The following SPAG16 variants were observed in gnomAD, a reference collection of about 807,000 sequenced individuals.
SPAG16 encodes the protein sperm associated antigen 16.
A neutral mutation model predicts 80.4 loss-of-function variants in SPAG16; 86 were observed. The observed-to-expected ratio is 1.07, with a 90% confidence interval of 0.90 to 1.28. SPAG16 has a LOEUF of 1.28. Among genes scored for constraint, SPAG16 ranks in the 50% most tolerant of loss-of-function variants. The probability of loss-of-function intolerance (pLI) is 0.00; values close to 1 mark genes in which losing one functional copy is unlikely to be tolerated. For missense variants in SPAG16, 870 were observed against 765.3 expected, an observed-to-expected ratio of 1.14 and a Z score of -1.61; for synonymous variants, 294 against 265.9, an observed-to-expected ratio of 1.11 and a Z score of -1.03.
rs760771387 is a variant in SPAG16, at chr2:213,284,585, C to T, written c.102C>T (p.Asp34=). 2.5e-6 allele frequency: 4 copies of T among 1,609,742 alleles called. No individual in the cohort carries two copies. Among genetic ancestry groups the T allele is most frequent in the Non-Finnish European group, 3.4e-6 (4 of 1,178,608 alleles). Residue 34 remains aspartate (D), a synonymous_variant, in exon 1 of 16, where the codon GAC becomes GAT. Transcript: ENST00000331683. ...TAAGDARDTA[D]AVAAEGAYYL... ...CCGGGGACGCGAGGGACACGGCGGA[C>T]GCGGTGGCGGCTGAGGGCGCCTACT...
intron 15 of SPAG16, among the ~76,000 whole-genome samples, chr2:214,326,944 CAAAAAAAAAAA>C (rs5838428): frequency 1.6e-5 from 1 of 64,464 alleles, no homozygotes; most frequent in East Asian, 5.0e-4. Flanking sequence ...GACTAAGTCT[CAAAAAAAAAAA>C]AAAAAAAAAA....
At chr2:213,721,573 C>G in intron 10 of SPAG16, among the ~76,000 whole-genome samples, 1 of 152,164 alleles carries the variant, frequency 6.6e-6, no homozygotes, top group East Asian at 1.9e-4. Context: ...TCATATGATA[C>G]CACTTTTCCT....
intron 15 of SPAG16, among the ~76,000 whole-genome samples, chr2:214,259,556 G>A (rs185685266): frequency 3.9e-5 from 5 of 127,642 alleles, no homozygotes; most frequent in African/African-American, 9.2e-5. Context: ...CCCCACACAC[G>A]TTTCGGCAGA....
intron 15 of SPAG16, among the ~76,000 whole-genome samples, chr2:214,253,971 T>C (rs565271357): frequency 9.9e-5 from 15 of 152,276 alleles, no homozygotes; most frequent in African/African-American, 3.4e-4. Flanking sequence ...TATCCTCTTT[T>C]ATTTCTTTGA....
At chr2:213,962,713 GCTAA>G (rs1329787512) in intron 12 of SPAG16, among the ~76,000 whole-genome samples, 1 of 152,172 alleles carries the variant, frequency 6.6e-6, no homozygotes, top group Admixed American at 6.5e-5. Flanking sequence ...GGCAACATTA[GCTAA>G]CTAATTCAAT....
intron 9 of SPAG16, among the ~76,000 whole-genome samples, chr2:213,387,430 T>TC (rs1559077636): frequency 1.9e-4 from 11 of 57,738 alleles, no homozygotes; most frequent in African/African-American, 6.3e-4. Context: ...AAATGCATGC[T>TC]CTTTTTTTTT....
At chr2:213,330,094 G>T (rs1417542165) in intron 5 of SPAG16, among the ~76,000 whole-genome samples, 1 of 152,250 alleles carries the variant, frequency 6.6e-6, no homozygotes, top group Non-Finnish European at 1.5e-5. Context: ...TGCGGCAGGG[G>T]TGGGGCTCTC....
intron 14 of SPAG16, among the ~76,000 whole-genome samples, chr2:214,139,769 T>C (rs1183788097): frequency 6.6e-6 from 1 of 152,180 alleles, no homozygotes; most frequent in Non-Finnish European, 1.5e-5. Context: ...ATAGGGCTTT[T>C]TTGAGGCCTG....
At chr2:213,364,284 TA>T in intron 8 of SPAG16, 139 bp downstream of exon 8, 2 of 417,308 alleles carry the variant, frequency 4.8e-6, no homozygotes, top group Non-Finnish European at 8.5e-6. Context: ...ATAAAAAGAT[TA>T]AGAAGAAATA....
At chr2:214,294,657 T>C (rs1307157282) in intron 15 of SPAG16, among the ~76,000 whole-genome samples, 2 of 152,248 alleles carry the variant, frequency 1.3e-5, no homozygotes, top group African/African-American at 4.8e-5. Flanking sequence ...AATTGAACTT[T>C]GTTAGCAGCA....
rs750491602 is a variant in SPAG16 at position 213,284,496 on chromosome 2, C to G, written c.13C>G (p.Arg5Gly). Reference sequence around the variant, plus strand: ...CGAAGCGCCAGAGATGGCTGCTCAGCGAGGGATGCCCAGCTCCGCCGTGAG... The same window carrying G: ...CGAAGCGCCAGAGATGGCTGCTCAGGGAGGGATGCCCAGCTCCGCCGTGAG... MAAQ[R>G]GMPSSAVRVL... Residue 5 changes from arginine (R) to glycine (G), a missense_variant, in exon 1 of 16, where the codon CGA (arginine) becomes GGA (glycine). Coordinates refer to ENST00000331683, the MANE Select transcript of SPAG16 (RefSeq NM_024532.5). 1.3e-6 allele frequency: 2 copies of G among 1,571,484 alleles called. No individual in the cohort carries two copies. Among genetic ancestry groups the G allele is most frequent in the Admixed American group, 3.8e-5 (2 of 53,322 alleles).
chr2:213,424,021 TCAAAGAG>T (rs1263868198), intron 9 of SPAG16, among the ~76,000 whole-genome samples: 1 of 152,194 alleles, frequency 6.6e-6, no homozygotes, highest in African/African-American at 2.4e-5. Flanking sequence ...ATGCAGGAAC[TCAAAGAG>T]CACTTTCCAT....
Position 214,011,190 on chromosome 2 carries a change from C to T in SPAG16, c.1401-2761C>T, listed in dbSNP as rs1334432866. 2.1e-5 allele frequency among the ~76,000 whole-genome samples: 3 copies of T among 145,540 alleles called. 1 individual carries two copies. Among genetic ancestry groups the T allele is most frequent in the Non-Finnish European group, 4.5e-5 (3 of 67,124 alleles). On this transcript the variant is annotated intron_variant, in intron 12 of 15. Coordinates refer to ENST00000331683, the MANE Select transcript of SPAG16 (RefSeq NM_024532.5). ...CTGTCTCTCCATAGAGCTATAACTA[C>T]AGTAATTATACTAATATTTAAAGAT...
intron 15 of SPAG16, among the ~76,000 whole-genome samples, chr2:214,350,420 A>C (rs1233126258): frequency 6.6e-6 from 1 of 152,162 alleles, no homozygotes; most frequent in East Asian, 1.9e-4. Context: ...TGCATTTTTC[A>C]GTTCTAGAAT....
At position 213,915,649 on chromosome 2, in the gene SPAG16, C is replaced by T. The variant is rs189724551; in HGVS notation, c.1215-14311C>T. Among the ~76,000 whole-genome samples the T allele has an allele frequency of 1.3e-4, 20 of 152,164 alleles. No individual in the cohort carries two copies. In the East Asian group the frequency reaches 1.7e-3, roughly 13 times the overall value. On this transcript the variant is annotated intron_variant, in intron 11 of 15. Transcript: ENST00000331683. The stretch of plus-strand genomic sequence containing the variant: ...AATCCTTTGGGTATATGCCCAGTAA[C>T]GGGATTGCTGAGTCAAATGGTATTT...
At chr2:213,550,312 GTCT>G (rs1290893257) in intron 10 of SPAG16, among the ~76,000 whole-genome samples, 21 of 151,254 alleles carry the variant, frequency 1.4e-4, no homozygotes, top group Admixed American at 8.6e-4. Context: ...CAAAGTCCTA[GTCT>G]TCTTTCTATT....
intron 15 of SPAG16, among the ~76,000 whole-genome samples, chr2:214,354,821 A>T (rs2126057329): frequency 6.6e-6 from 1 of 152,228 alleles, no homozygotes; most frequent in African/African-American, 2.4e-5. Context: ...GGTGTATAAG[A>T]ATGCTTGTGA....
chr2:213,666,894 A>ATTATAGAATGG (rs1351066335), intron 10 of SPAG16, among the ~76,000 whole-genome samples: 16 of 152,164 alleles, frequency 1.1e-4, no homozygotes, highest in Non-Finnish European at 1.9e-4. Context: ...TAAATATTCT[A>ATTATAGAATGG]AAATATTATA....
intron 10 of SPAG16, among the ~76,000 whole-genome samples, chr2:213,624,048 C>G (rs2125061291): frequency 6.6e-6 from 1 of 151,920 alleles, no homozygotes; most frequent in Non-Finnish European, 1.5e-5. Flanking sequence ...ATATTTACAC[C>G]AATTTATGGA....
Sources: gnomAD v4.1 joint callset for allele counts (sites outside exome capture counted in the v4.1 genomes callset) on GRCh38, gnomAD v4.1.1 for gene constraint, MANE v1.5 for transcripts, NCBI Gene and HGNC (gene_info 2026-07-23, HGNC 2026-07-21) for gene names.